ATAD1: variants seen among roughly 807,000 people sequenced by gnomAD.
ATAD1 encodes the protein outer mitochondrial transmembrane helix translocase.
In ATAD1, 18 loss-of-function variants were observed where a neutral mutation model predicts 42.7. The observed-to-expected ratio is 0.42, with a 90% confidence interval of 0.29 to 0.63. The LOEUF (loss-of-function observed/expected upper bound fraction) is 0.63. Ranked by LOEUF, ATAD1 falls within the 20% of genes least tolerant of loss-of-function variation. ATAD1 has a pLI of 0.19. For synonymous variants in ATAD1, 132 were observed against 143.1 expected, an observed-to-expected ratio of 0.92 and a Z score of 0.55; for missense variants, 294 against 440.4, an observed-to-expected ratio of 0.67 and a Z score of 2.98.
At chr10:87,805,075 A>C (rs1856861095) in intron 2 of ATAD1, among the ~76,000 whole-genome samples, 1 of 152,006 alleles carries the variant, frequency 6.6e-6, no homozygotes, top group Non-Finnish European at 1.5e-5. Flanking sequence ...TCATCTCAAA[A>C]CCGTATTGCC....
intron 4 of ATAD1, among the ~76,000 whole-genome samples, chr10:87,785,434 G>A (rs939633014): frequency 6.7e-6 from 1 of 149,818 alleles, no homozygotes; most frequent in Admixed American, 6.6e-5. Flanking sequence ...ACTAAACTCA[G>A]TACTACATGA....
chr10:87,823,727 C>T (rs1857673345), intron 1 of ATAD1, among the ~76,000 whole-genome samples: 2 of 152,272 alleles, frequency 1.3e-5, no homozygotes, highest in South Asian at 4.1e-4. Context: ...CACTTGGCTT[C>T]CCATCCTTTA....
At chr10:87,771,302 T>C (rs1398569077) in intron 6 of ATAD1, among the ~76,000 whole-genome samples, 3 of 152,186 alleles carry the variant, frequency 2.0e-5, no homozygotes, top group Admixed American at 2.0e-4. Context: ...TAATGTTCAG[T>C]TGCAAATAGC....
intron 8 of ATAD1, among the ~76,000 whole-genome samples, chr10:87,758,011 T>C (rs971254030): frequency 6.6e-6 from 1 of 152,192 alleles, no homozygotes; most frequent in Non-Finnish European, 1.5e-5. Flanking sequence ...GCAGCAATGA[T>C]AAGCAAAGCA....
chr10:87,778,190 A>AAC (rs1554877068), intron 5 of ATAD1, among the ~76,000 whole-genome samples: 2 of 150,346 alleles, frequency 1.3e-5, no homozygotes, highest in Non-Finnish European at 1.5e-5. Context: ...AAAAAAAAAA[A>AAC]AAAAAAAAAA....
intron 1 of ATAD1, among the ~76,000 whole-genome samples, chr10:87,823,287 C>T (rs1857665233): frequency 6.6e-6 from 1 of 152,102 alleles, no homozygotes; most frequent in South Asian, 2.1e-4. Context: ...TCTCAAGCAG[C>T]ATTGCCAAGT....
chr10:87,788,443 T>C (rs561939468), intron 4 of ATAD1, among the ~76,000 whole-genome samples: 1 of 152,338 alleles, frequency 6.6e-6, no homozygotes, highest in African/African-American at 2.4e-5. Context: ...TTATTCTTGA[T>C]TAAAAATTGT....
At chr10:87,839,267 T>C (rs1857986413) in intron 1 of ATAD1, among the ~76,000 whole-genome samples, 1 of 152,230 alleles carries the variant, frequency 6.6e-6, no homozygotes, top group African/African-American at 2.4e-5. Context: ...CTGATGTTTC[T>C]CTGTAAATAA....
chr10:87,826,279 G>T (rs1857728360), intron 1 of ATAD1, among the ~76,000 whole-genome samples: 1 of 152,166 alleles, frequency 6.6e-6, no homozygotes, highest in Non-Finnish European at 1.5e-5. Flanking sequence ...CTTCAAAATA[G>T]TATACCTGAT....
chr10:87,813,072 G>A (rs1030624074), intron 2 of ATAD1, among the ~76,000 whole-genome samples: 5 of 152,026 alleles, frequency 3.3e-5, no homozygotes, highest in African/African-American at 1.2e-4. Context: ...CTAATATTTA[G>A]AATAATACTA....
intron 8 of ATAD1, among the ~76,000 whole-genome samples, chr10:87,762,790 A>G (rs12358730): frequency 6.6e-6 from 1 of 150,470 alleles, no homozygotes; most frequent in African/African-American, 2.4e-5. Context: ...TTAAAAGTCA[A>G]CCGGGCACGG....
Position 87,792,652 on chromosome 10 carries a change from C to T in ATAD1, c.261+5G>A. The stretch of plus-strand genomic sequence containing the variant: ...AAAATCTTAAATAAGATTAAAGATA[C>T]ATACATGCATATTAAGAGGGTCTAC... On this transcript the variant is annotated splice_donor_5th_base_variant and intron_variant, in intron 3 of 9. Transcript: ENST00000680024. The T allele has an allele frequency of 1.3e-6, 1 of 781,334 alleles. No homozygotes were observed. Among genetic ancestry groups the T allele is most frequent in the Non-Finnish European group, 2.1e-6 (1 of 482,456 alleles). 48.4% of individuals were successfully genotyped at this position (781,334 alleles called of 1,614,324 possible).
intron 2 of ATAD1, among the ~76,000 whole-genome samples, chr10:87,799,447 G>A (rs1485550562): frequency 6.6e-6 from 1 of 152,146 alleles, no homozygotes; most frequent in African/African-American, 2.4e-5. Flanking sequence ...TTTGGGAAAA[G>A]GCTGTTATTG....
intron 8 of ATAD1, among the ~76,000 whole-genome samples, chr10:87,762,855 G>C (rs1854548368): frequency 6.7e-6 from 1 of 148,786 alleles, no homozygotes; most frequent in Admixed American, 6.7e-5. Context: ...CGGATCATGA[G>C]GTCAGGAGTC....
At chr10:87,763,675 C>A (rs909499228) in intron 8 of ATAD1, among the ~76,000 whole-genome samples, 2 of 151,930 alleles carry the variant, frequency 1.3e-5, no homozygotes, top group African/African-American at 2.4e-5. Flanking sequence ...CCTAAAAAAA[C>A]AACACGTCAG....
intron 4 of ATAD1, among the ~76,000 whole-genome samples, chr10:87,789,412 C>T (rs1855987330): frequency 6.6e-6 from 1 of 152,172 alleles, no homozygotes; most frequent in Admixed American, 6.5e-5. Flanking sequence ...TTTAACAAGC[C>T]TTAAGCATGA....
chr10:87,785,394 A>G (rs1855778141), intron 4 of ATAD1, among the ~76,000 whole-genome samples: 1 of 149,434 alleles, frequency 6.7e-6, no homozygotes, highest in South Asian at 2.1e-4. Context: ...TACTAAATAT[A>G]TAATACTAAA....
chr10:87,819,842 G>C (rs17098687), upstream of ATAD1, among the ~76,000 whole-genome samples: 1,945 of 152,244 alleles, frequency 0.013, 149 homozygotes, highest in East Asian at 0.22. Flanking sequence ...AAATCACAAG[G>C]CTTTAAAGGA....
chr10:87,778,445 C>T (rs2131851032), intron 5 of ATAD1, among the ~76,000 whole-genome samples: 1 of 152,192 alleles, frequency 6.6e-6, no homozygotes, highest in East Asian at 1.9e-4. Flanking sequence ...GGAATATTTG[C>T]ATATACATAA....
Sources: gnomAD v4.1 joint callset for allele counts (sites outside exome capture counted in the v4.1 genomes callset) on GRCh38, gnomAD v4.1.1 for gene constraint, MANE v1.5 for transcripts, NCBI Gene and HGNC (gene_info 2026-07-23, HGNC 2026-07-21) for gene names.